The following MEF2C variants were observed in gnomAD, a reference collection of about 807,000 sequenced individuals.
MEF2C encodes the protein myocyte enhancer factor 2C.
A neutral mutation model predicts 50.5 loss-of-function variants in MEF2C; 6 were observed. The ratio of observed to expected loss-of-function variants is 0.12; its 90% CI spans 0.07 to 0.23. MEF2C has a LOEUF of 0.23. MEF2C is among the 10% of genes least tolerant of loss of function. The pLI is 1.00. For missense variants in MEF2C, 276 were observed against 605.0 expected (o/e 0.46, Z 5.70); for synonymous variants, 183 against 228.0 (o/e 0.80, Z 1.78).
chr5:88,839,773 T>A (rs1276012165), intron 1 of MEF2C: 1 of 152,186 alleles, frequency 6.6e-6, no homozygotes, highest in Non-Finnish European at 1.5e-5. Flanking sequence ...GTCTTTTGTA[T>A]CGTATGAAAT....
intron 3 of MEF2C, chr5:88,771,859 T>G (rs1561935134): frequency 6.5e-6 from 1 of 152,688 alleles, no homozygotes; most frequent in African/African-American, 2.4e-5. Flanking sequence ...AGGACATCCC[T>G]GTGGGAGCTG....
intron 7 of MEF2C, chr5:88,731,340 G>A (rs1761460544): frequency 6.2e-6 from 1 of 162,592 alleles, no homozygotes; most frequent in Admixed American, 6.1e-5. Context: ...GCGTGTTGAG[G>A]ACATAAATAT....
intron 3 of MEF2C, chr5:88,785,467 G>A (rs1050597551): frequency 6.6e-6 from 1 of 152,064 alleles, no homozygotes; most frequent in Non-Finnish European, 1.5e-5. Flanking sequence ...TTTTAAGAAA[G>A]AGACTAAATG....
intron 1 of MEF2C, among the ~76,000 whole-genome samples, chr5:88,866,966 G>GA (rs1242781075): frequency 6.6e-6 from 1 of 152,168 alleles, no homozygotes; most frequent in Admixed American, 6.5e-5. Flanking sequence ...AACAGCTCAA[G>GA]AAATGAATAG....
At chr5:88,880,507 C>G (rs1832499467) in intron 1 of MEF2C, among the ~76,000 whole-genome samples, 1 of 151,986 alleles carries the variant, frequency 6.6e-6, no homozygotes, top group African/African-American at 2.4e-5. Flanking sequence ...ACAAAATATA[C>G]TACAATAAAC....
rs78470381 is a variant in MEF2C, at chr5:88,776,533, G to A, written c.259-15205C>T. On this transcript the variant is annotated intron_variant, in intron 3 of 10. Coordinates refer to ENST00000504921, the MANE Select transcript of MEF2C (RefSeq NM_002397.5). Reference sequence around the variant, plus strand: ...GCCTCTGGTAACCTCAACCCCTTCCGGCCTCCAGTAACCGTCATTCTACTT... The same window carrying A: ...GCCTCTGGTAACCTCAACCCCTTCCAGCCTCCAGTAACCGTCATTCTACTT... 2.8e-3 allele frequency among the ~76,000 whole-genome samples: 431 copies of A among 151,994 alleles called. 23 individuals carry two copies. The East Asian group carries it at 0.071, about 25-fold the overall frequency.
chr5:88,833,646 T>A (rs955732987), intron 1 of MEF2C, among the ~76,000 whole-genome samples: 1 of 152,080 alleles, frequency 6.6e-6, no homozygotes, highest in Non-Finnish European at 1.5e-5. Context: ...AATTAACATA[T>A]GTTAGAAAAA....
intron 1 of MEF2C, among the ~76,000 whole-genome samples, chr5:88,853,878 G>A (rs1458931606): frequency 1.3e-5 from 2 of 152,158 alleles, no homozygotes; most frequent in Non-Finnish European, 1.5e-5. Flanking sequence ...GATGTACTAT[G>A]TCTCCTAATA....
At chr5:88,858,047 A>G (rs1378570200) in intron 1 of MEF2C, among the ~76,000 whole-genome samples, 1 of 152,262 alleles carries the variant, frequency 6.6e-6, no homozygotes, top group Admixed American at 6.5e-5. Context: ...TTTTAGACTC[A>G]TAAGAATATC....
At chr5:88,808,794 T>C (rs1277251474) in intron 2 of MEF2C, among the ~76,000 whole-genome samples, 1 of 152,170 alleles carries the variant, frequency 6.6e-6, no homozygotes, top group Non-Finnish European at 1.5e-5. Context: ...ATTTAAAATA[T>C]GCCACTCAAT....
At chr5:88,751,409 G>A in intron 5 of MEF2C, 1 of 985,064 alleles carries the variant, frequency 1.0e-6, no homozygotes, top group African/African-American at 1.7e-5. Flanking sequence ...ATAAGTTACT[G>A]TATAAATAAA....
chr5:88,888,720 G>GTTTT (rs11331197), intron 1 of MEF2C, among the ~76,000 whole-genome samples: 9 of 143,892 alleles, frequency 6.3e-5, no homozygotes, highest in South Asian at 2.2e-4. Context: ...GTATGGTAAG[G>GTTTT]TTTTTTTTTT....
intron 3 of MEF2C, among the ~76,000 whole-genome samples, chr5:88,765,802 T>G (rs2152724878): frequency 1.3e-5 from 2 of 152,306 alleles, no homozygotes; most frequent in South Asian, 4.1e-4. Context: ...AGGCAAGAGA[T>G]CTCCTAAAAC....
intron 3 of MEF2C, among the ~76,000 whole-genome samples, chr5:88,779,629 AC>A (rs1211715319): frequency 7.1e-6 from 1 of 140,948 alleles, no homozygotes; most frequent in Non-Finnish European, 1.6e-5. Context: ...GTGTGTGTGT[AC>A]AGCATGAAGC....
chr5:88,781,921 C>T lies in MEF2C; in HGVS notation c.259-20593G>A, dbSNP rs559754207. ...CCAGGAGGTGGAGGTTGCAGTGAGC[C>T]GAGATCGTGCCATTGTACTCCAGCC... On this transcript the variant is annotated intron_variant, in intron 3 of 10. Transcript: ENST00000504921. 44 of 164,840 alleles carry T rather than the reference C, an allele frequency of 2.7e-4. No homozygotes were observed. In the East Asian group the frequency reaches 6.0e-3, roughly 22 times the overall value. The allele number at this position is 164,840 out of a possible 1,614,324, so 10.2% of individuals were successfully genotyped here.
At chr5:88,836,680 G>C (rs926091458) in intron 1 of MEF2C, among the ~76,000 whole-genome samples, 1 of 152,134 alleles carries the variant, frequency 6.6e-6, no homozygotes, top group African/African-American at 2.4e-5. Flanking sequence ...CTAGCAGGAG[G>C]CTCCTTATCT....
intron 6 of MEF2C, chr5:88,740,892 A>G: frequency 1.0e-6 from 1 of 985,370 alleles, no homozygotes; most frequent in Non-Finnish European, 1.2e-6. Context: ...TTCATTATTG[A>G]CACAATCGCT....
chr5:88,756,887 A>G (rs995032271), intron 4 of MEF2C, among the ~76,000 whole-genome samples: 1 of 151,958 alleles, frequency 6.6e-6, no homozygotes, highest in Non-Finnish European at 1.5e-5. Flanking sequence ...CAAACACTCA[A>G]GATAGGAAGA....
chr5:88,824,378 G>T (rs1230665836), intron 1 of MEF2C: 4 of 984,324 alleles, frequency 4.1e-6, no homozygotes, highest in Non-Finnish European at 4.8e-6. Flanking sequence ...TGACAGCAGA[G>T]GTGATAACGT....
Sources: allele counts gnomAD v4.1 joint callset (sites outside exome capture counted in the v4.1 genomes callset), GRCh38; gene constraint gnomAD v4.1.1; transcripts MANE v1.5; gene names NCBI Gene and HGNC (gene_info 2026-07-23, HGNC 2026-07-21).